SUPT3H: variants seen among roughly 807,000 people sequenced by gnomAD.
SUPT3H encodes SPT3 homolog, SAGA and STAGA complex component, also known as transcription initiation protein SPT3 homolog.
Under a neutral mutation model 44.3 loss-of-function variants are expected in SUPT3H, and 44 were observed. The ratio of observed to expected loss-of-function variants is 0.99; its 90% CI spans 0.78 to 1.28. SUPT3H has a LOEUF of 1.28. SUPT3H is among the 50% of genes most tolerant of loss of function. The probability of loss-of-function intolerance (pLI) is 0.00; values close to 1 mark genes in which losing one functional copy is unlikely to be tolerated. For missense variants in SUPT3H, 380 were observed against 387.1 expected (o/e 0.98, Z 0.15); for synonymous variants, 124 against 125.6 (o/e 0.99, Z 0.09).
At chr6:45,219,422 C>T (rs1185804616) in intron 2 of SUPT3H, among the ~76,000 whole-genome samples, 1 of 151,902 alleles carries the variant, frequency 6.6e-6, no homozygotes, top group African/African-American at 2.4e-5. Context: ...AGACACAAAT[C>T]ACAAACACCA....
At chr6:45,332,701 T>TA (rs1429704263) in intron 2 of SUPT3H, among the ~76,000 whole-genome samples, 1 of 151,756 alleles carries the variant, frequency 6.6e-6, no homozygotes, top group Non-Finnish European at 1.5e-5. Flanking sequence ...TAGCATCTAT[T>TA]AAAAATATAT....
At chr6:45,344,417 T>C (rs1581745564) in intron 2 of SUPT3H, among the ~76,000 whole-genome samples, 1 of 152,094 alleles carries the variant, frequency 6.6e-6, no homozygotes, top group Admixed American at 6.5e-5. Flanking sequence ...CAGTGCTTTA[T>C]TGTTTTCATT....
chr6:45,331,549 A>G (rs1055781484), intron 2 of SUPT3H, among the ~76,000 whole-genome samples: 1 of 152,028 alleles, frequency 6.6e-6, no homozygotes, highest in African/African-American at 2.4e-5. Flanking sequence ...ACTCTAACAC[A>G]TATCAAAAGC....
chr6:45,182,258 T>A (rs1451812220), intron 2 of SUPT3H, among the ~76,000 whole-genome samples: 1 of 152,182 alleles, frequency 6.6e-6, no homozygotes, highest in Non-Finnish European at 1.5e-5. Flanking sequence ...TTTATTTTTA[T>A]TTTTTAGTTA....
At chr6:45,299,191 CA>C (rs55660746) in intron 2 of SUPT3H, among the ~76,000 whole-genome samples, 146 of 146,070 alleles carry the variant, frequency 1.0e-3, no homozygotes, top group Middle Eastern at 7.0e-3. Context: ...ACTGAAAGTA[CA>C]AAAAAAAAAA....
chr6:45,254,054 C>T (rs542417560), intron 2 of SUPT3H, among the ~76,000 whole-genome samples: 2 of 151,396 alleles, frequency 1.3e-5, no homozygotes, highest in African/African-American at 4.8e-5. Context: ...AAATGTACCT[C>T]ATATGTTTAT....
At chr6:45,113,778 C>T (rs980083558) in intron 2 of SUPT3H, among the ~76,000 whole-genome samples, 12 of 144,334 alleles carry the variant, frequency 8.3e-5, no homozygotes, top group Non-Finnish European at 1.6e-4. Flanking sequence ...TGCGGTGAGC[C>T]GAGATTGAGC....
chr6:45,309,645 A>G (rs1485881478), intron 2 of SUPT3H, among the ~76,000 whole-genome samples: 2 of 152,172 alleles, frequency 1.3e-5, no homozygotes, highest in African/African-American at 4.8e-5. Context: ...TAGGCAGGGA[A>G]AAAAATCTCC....
intron 2 of SUPT3H, among the ~76,000 whole-genome samples, chr6:45,168,017 G>A (rs1188435318): frequency 2.6e-5 from 4 of 151,916 alleles, no homozygotes; most frequent in Non-Finnish European, 1.5e-5. Context: ...CTCTATGTTG[G>A]TCAGGCTGGT....
chr6:45,180,287 A>T (rs1329465456), intron 2 of SUPT3H, among the ~76,000 whole-genome samples: 2 of 147,514 alleles, frequency 1.4e-5, no homozygotes, highest in Non-Finnish European at 1.5e-5. Context: ...AAATGGCCAT[A>T]CTGCCCAAGG....
At chr6:44,887,027 T>C (rs2153438098) in intron 10 of SUPT3H, among the ~76,000 whole-genome samples, 1 of 152,198 alleles carries the variant, frequency 6.6e-6, no homozygotes, top group South Asian at 2.1e-4. Flanking sequence ...AAGAAGGCCA[T>C]TACATAATGG....
intron 10 of SUPT3H, among the ~76,000 whole-genome samples, chr6:44,905,983 C>G (rs1053460603): frequency 6.6e-6 from 1 of 151,848 alleles, no homozygotes; most frequent in African/African-American, 2.4e-5. Context: ...AATGAGAACA[C>G]ATAGACACAG....
At chr6:45,104,443 C>G (rs1359561813) in intron 3 of SUPT3H, among the ~76,000 whole-genome samples, 2 of 151,966 alleles carry the variant, frequency 1.3e-5, no homozygotes, top group Non-Finnish European at 2.9e-5. Flanking sequence ...TTCATTCTAG[C>G]CTGCCTGTTT....
intron 2 of SUPT3H, among the ~76,000 whole-genome samples, chr6:45,363,696 T>A (rs888146125): frequency 7.9e-5 from 12 of 151,998 alleles, no homozygotes; most frequent in African/African-American, 2.9e-4. Context: ...TCCACAAAAA[T>A]GTATATAAGC....
chr6:45,222,424 AT>A (rs1423713207), intron 2 of SUPT3H, among the ~76,000 whole-genome samples: 2 of 152,178 alleles, frequency 1.3e-5, no homozygotes, highest in Admixed American at 1.3e-4. Flanking sequence ...CAGATGGCAA[AT>A]AAGCACACAA....
intron 10 of SUPT3H, among the ~76,000 whole-genome samples, chr6:44,919,543 T>A (rs1484436582): frequency 1.3e-5 from 2 of 152,052 alleles, no homozygotes; most frequent in Non-Finnish European, 2.9e-5. Context: ...GAAATTAGTT[T>A]CCCTGGTGAA....
chr6:45,048,043 G>A (rs1011421657), intron 3 of SUPT3H, among the ~76,000 whole-genome samples: 1 of 151,754 alleles, frequency 6.6e-6, no homozygotes, highest in African/African-American at 2.4e-5. Context: ...CTAGACTCTG[G>A]AATAGACAAA....
chr6:45,055,245 C>T (rs944100899), intron 3 of SUPT3H, among the ~76,000 whole-genome samples: 5 of 152,032 alleles, frequency 3.3e-5, no homozygotes, highest in Admixed American at 3.3e-4. Context: ...ACCATACTGC[C>T]AAAAGCAATC....
In SUPT3H at chr6:45,149,437, G is replaced by C. The variant is rs191039376; in HGVS notation, c.102-43431C>G. ...ACAGTAGCAAGTTAATAATGGAAAT[G>C]GAATCCCCTACTGGAACTACTCAAG... On this transcript the variant is annotated intron_variant, in intron 2 of 10. Coordinates refer to ENST00000371459, the MANE Select transcript of SUPT3H (RefSeq NM_003599.4). 1.9e-3 allele frequency among the ~76,000 whole-genome samples: 296 copies of C among 152,228 alleles called. 2 individuals carry two copies. The Middle Eastern group carries it at 0.031, about 16-fold the overall frequency.
Sources: gnomAD v4.1 joint callset for allele counts (sites outside exome capture counted in the v4.1 genomes callset) on GRCh38, gnomAD v4.1.1 for gene constraint, MANE v1.5 for transcripts, NCBI Gene and HGNC (gene_info 2026-07-23, HGNC 2026-07-21) for gene names.